Variants in AP3S1 observed in about 807,000 individuals in gnomAD.
AP3S1 encodes AP-3 complex subunit sigma-1.
Under a neutral mutation model 21.3 loss-of-function variants are expected in AP3S1, and 12 were observed. That is an observed-to-expected ratio of 0.56 (90% CI 0.36 to 0.91). AP3S1 has a LOEUF of 0.91. AP3S1 is among the 40% of genes least tolerant of loss of function. AP3S1 has a pLI of 0.01. For missense variants in AP3S1, 116 were observed against 225.0 expected, an observed-to-expected ratio of 0.52 and a Z score of 3.10; for synonymous variants, 48 against 78.4, an observed-to-expected ratio of 0.61 and a Z score of 2.05.
In AP3S1 at chr5:115,878,922, A is replaced by T. The variant is rs956775793; in HGVS notation, c.273+8794A>T. Reference sequence around the variant, plus strand: ...TGAAGAGGCCCTTCACATCCCTTGTAAGTTGTATTCCTAGGTATTTTATTC... The same window carrying T: ...TGAAGAGGCCCTTCACATCCCTTGTTAGTTGTATTCCTAGGTATTTTATTC... On this transcript the variant is annotated intron_variant, in intron 3 of 5. Transcript: ENST00000316788. 2.0e-5 allele frequency among the ~76,000 whole-genome samples: 3 copies of T among 152,134 alleles called. No homozygotes were observed. In the East Asian group the frequency reaches 5.8e-4, roughly 29 times the overall value.
intron 3 of AP3S1, among the ~76,000 whole-genome samples, chr5:115,886,005 T>TA (rs1288460723): frequency 6.6e-6 from 1 of 152,218 alleles, no homozygotes; most frequent in Admixed American, 6.5e-5. Flanking sequence ...GATCACTTCT[T>TA]ACTACATTAG....
chr5:115,854,069 G>A (rs1230139422), intron 1 of AP3S1, among the ~76,000 whole-genome samples: 1 of 152,102 alleles, frequency 6.6e-6, no homozygotes, highest in Non-Finnish European at 1.5e-5. Flanking sequence ...TCATAACATG[G>A]TGAAAGGCAT....
chr5:115,854,201 G>A (rs1425624822), intron 1 of AP3S1, among the ~76,000 whole-genome samples: 1 of 152,100 alleles, frequency 6.6e-6, no homozygotes, highest in East Asian at 1.9e-4. Flanking sequence ...CCTTTTAAAG[G>A]TCTTACGTTT....
At chr5:115,843,644 TA>T (rs1453972710) in intron 1 of AP3S1, among the ~76,000 whole-genome samples, 1 of 152,202 alleles carries the variant, frequency 6.6e-6, no homozygotes, top group Non-Finnish European at 1.5e-5. Context: ...ATTTGCAGTG[TA>T]AAAAAGGTAT....
In AP3S1 at chr5:115,879,472, C is replaced by CTT. The variant is rs1749072137; in HGVS notation, c.273+9345_273+9346insTT. On this transcript the variant is annotated intron_variant, in intron 3 of 5. Coordinates refer to ENST00000316788, the MANE Select transcript of AP3S1 (RefSeq NM_001284.4). ...TGAAATAATCATGTGGTTTTTGTGACTGGTTCTGTTTATGTGATGGATTAC... is the reference window on the plus strand; with the variant it reads ...TGAAATAATCATGTGGTTTTTGTGACTTTGGTTCTGTTTATGTGATGGATTAC... Among the ~76,000 whole-genome samples the CTT allele has an allele frequency of 3.3e-5, 5 of 152,074 alleles. No homozygotes were observed. In the South Asian group the frequency reaches 6.2e-4, roughly 19 times the overall value.
In AP3S1 at chr5:115,880,162, G is replaced by A. The variant is rs187655450; in HGVS notation, c.273+10034G>A. Among the ~76,000 whole-genome samples the A allele has an allele frequency of 4.4e-3, 676 of 152,172 alleles. 7 individuals are homozygous for A. The highest frequency in any genetic ancestry group is 0.016 in the African/African-American group (654 of 41,536). On this transcript the variant is annotated intron_variant, in intron 3 of 5. Transcript: ENST00000316788. ...TCTTTTCAAAAAACCAGCTCCTGGA[G>A]TCATTGATTTTTTGAAGGGTTTTTC...
intron 1 of AP3S1, among the ~76,000 whole-genome samples, chr5:115,864,828 T>C (rs1160100971): frequency 6.6e-6 from 1 of 152,120 alleles, no homozygotes; most frequent in Non-Finnish European, 1.5e-5. Context: ...CAATGCCAGA[T>C]GATAAGGAAG....
intron 1 of AP3S1, among the ~76,000 whole-genome samples, chr5:115,855,971 GT>G (rs1762773557): frequency 1.3e-5 from 2 of 152,134 alleles, no homozygotes; most frequent in African/African-American, 4.8e-5. Flanking sequence ...AGAAAATATT[GT>G]TAGTGGGTTT....
At chr5:115,893,805 A>G (rs1750524414) in intron 3 of AP3S1, among the ~76,000 whole-genome samples, 1 of 152,222 alleles carries the variant, frequency 6.6e-6, no homozygotes, top group South Asian at 2.1e-4. Flanking sequence ...CTGTTATTAC[A>G]TTATAATAAT....
intron 3 of AP3S1, among the ~76,000 whole-genome samples, chr5:115,878,665 G>A (rs1748982492): frequency 1.3e-5 from 2 of 152,180 alleles, no homozygotes; most frequent in African/African-American, 4.8e-5. Flanking sequence ...GTTTAGGATT[G>A]TCTTGGCTGT....
chr5:115,865,691 C>T (rs1042050123), intron 1 of AP3S1, among the ~76,000 whole-genome samples: 7 of 152,132 alleles, frequency 4.6e-5, no homozygotes, highest in Non-Finnish European at 8.8e-5. Flanking sequence ...TTAATTACTA[C>T]TGCGATTTAG....
At chr5:115,863,815 C>A (rs979094677) in intron 1 of AP3S1, among the ~76,000 whole-genome samples, 47 of 152,144 alleles carry the variant, frequency 3.1e-4, no homozygotes, top group African/African-American at 1.1e-3. Flanking sequence ...AAATTTAATG[C>A]CAGCAAAGGA....
At chr5:115,905,639 G>A (rs1367306302) in intron 5 of AP3S1, among the ~76,000 whole-genome samples, 6 of 152,122 alleles carry the variant, frequency 3.9e-5, no homozygotes, top group Admixed American at 3.3e-4. Flanking sequence ...CTAATTTTTC[G>A]TAGCTTTTGT....
At chr5:115,864,111 G>A (rs1392874521) in intron 1 of AP3S1, among the ~76,000 whole-genome samples, 3 of 152,234 alleles carry the variant, frequency 2.0e-5, no homozygotes, top group African/African-American at 7.2e-5. Context: ...TTGTGCAAAT[G>A]CATTCAGGTT....
intron 1 of AP3S1, among the ~76,000 whole-genome samples, chr5:115,845,501 C>G (rs1051561120): frequency 6.6e-6 from 1 of 152,060 alleles, no homozygotes; most frequent in Non-Finnish European, 1.5e-5. Flanking sequence ...TTTTGCTAAA[C>G]AGAAGTTTTG....
chr5:115,868,889 A>G (rs902123779), intron 2 of AP3S1, among the ~76,000 whole-genome samples: 1 of 91,404 alleles, frequency 1.1e-5, no homozygotes, highest in Admixed American at 1.3e-4. Flanking sequence ...CTCAAAAAGA[A>G]AGAGAGAGAG....
intron 1 of AP3S1, 65 bp downstream of exon 1, chr5:115,842,171 C>T (rs1580588969): frequency 6.6e-6 from 10 of 1,511,964 alleles, no homozygotes; most frequent in African/African-American, 4.3e-5. Context: ...GCGCCCAGCG[C>T]GGCTTTCTCA....
At chr5:115,846,555 G>GT (rs760506831) in intron 1 of AP3S1, among the ~76,000 whole-genome samples, 1,358 of 127,984 alleles carry the variant, frequency 0.011, 7 homozygotes, top group African/African-American at 0.019. Context: ...CTTCTTTCTC[G>GT]TTTTTTTTTT....
At chr5:115,871,876 G>A (rs906337490) in intron 3 of AP3S1, among the ~76,000 whole-genome samples, 3 of 152,072 alleles carry the variant, frequency 2.0e-5, no homozygotes, top group African/African-American at 4.8e-5. Flanking sequence ...TTGCTTCCCA[G>A]TGCACAGATA....
Sources: gnomAD v4.1 joint callset for allele counts (sites outside exome capture counted in the v4.1 genomes callset) on GRCh38, gnomAD v4.1.1 for gene constraint, MANE v1.5 for transcripts, NCBI Gene and HGNC (gene_info 2026-07-23, HGNC 2026-07-21) for gene names.